The following ITGBL1 variants were observed in gnomAD, a reference collection of about 807,000 sequenced individuals.
The protein encoded by ITGBL1 is integrin subunit beta like 1, also known as integrin beta-like protein 1.
In ITGBL1, 51 loss-of-function variants were observed where a neutral mutation model predicts 68.5. That is an observed-to-expected ratio of 0.74 (90% CI 0.59 to 0.94). ITGBL1 has a LOEUF of 0.94. Among genes scored for constraint, ITGBL1 ranks in the 40% least tolerant of loss-of-function variants. The pLI is 0.00. For missense variants in ITGBL1, 649 were observed against 647.4 expected (o/e 1.00, Z -0.03); for synonymous variants, 209 against 227.3 (o/e 0.92, Z 0.72).
chr13:101,507,217 C>T (rs1230489952), intron 2 of ITGBL1, among the ~76,000 whole-genome samples: 1 of 152,120 alleles, frequency 6.6e-6, no homozygotes, highest in South Asian at 2.1e-4. Flanking sequence ...GCTATTTATT[C>T]CCTGCTTTTC....
At chr13:101,625,942 A>AT (rs996600857) in intron 7 of ITGBL1, among the ~76,000 whole-genome samples, 2 of 152,188 alleles carry the variant, frequency 1.3e-5, no homozygotes, top group Non-Finnish European at 2.9e-5. Flanking sequence ...CCTATAATGT[A>AT]TTTTTAAAAT....
At chr13:101,536,665 G>A (rs973560655) in intron 2 of ITGBL1, among the ~76,000 whole-genome samples, 3 of 151,922 alleles carry the variant, frequency 2.0e-5, no homozygotes, top group African/African-American at 4.8e-5. Context: ...GGTACAATAT[G>A]TATTCCTTTC....
intron 2 of ITGBL1, among the ~76,000 whole-genome samples, chr13:101,544,349 C>T (rs11843488): frequency 0.013 from 1,932 of 152,304 alleles, 38 homozygotes; most frequent in African/African-American, 0.041. Context: ...GTATCAGCAG[C>T]GGCAGCTGCA....
At chr13:101,533,841 T>A (rs2139166541) in intron 2 of ITGBL1, among the ~76,000 whole-genome samples, 1 of 152,330 alleles carries the variant, frequency 6.6e-6, no homozygotes, top group South Asian at 2.1e-4. Context: ...ATAAAAACAA[T>A]CTATTTGGCT....
intron 2 of ITGBL1, among the ~76,000 whole-genome samples, chr13:101,498,063 G>C (rs148280895): frequency 2.0e-5 from 3 of 152,140 alleles, no homozygotes; most frequent in Admixed American, 2.0e-4. Context: ...TCAGTTTTAT[G>C]ATTTGGTACT....
intron 7 of ITGBL1, among the ~76,000 whole-genome samples, chr13:101,606,263 G>A (rs1330045347): frequency 6.7e-6 from 1 of 149,356 alleles, no homozygotes; most frequent in East Asian, 2.0e-4. Context: ...ATTTCTGCTG[G>A]TGGTGACTAA....
At chr13:101,526,210 G>T (rs1431507987) in intron 2 of ITGBL1, among the ~76,000 whole-genome samples, 1 of 146,884 alleles carries the variant, frequency 6.8e-6, no homozygotes, top group Non-Finnish European at 1.5e-5. Flanking sequence ...GAACGTGCAA[G>T]TTTGTTACAT....
intron 2 of ITGBL1, among the ~76,000 whole-genome samples, chr13:101,455,090 A>G (rs1021873511): frequency 6.6e-6 from 1 of 152,204 alleles, no homozygotes; most frequent in African/African-American, 2.4e-5. Context: ...AGCACAACAC[A>G]ATGCATTCCA....
chr13:101,623,372 GAAATA>G (rs375078990), intron 7 of ITGBL1, among the ~76,000 whole-genome samples: 22 of 152,182 alleles, frequency 1.4e-4, no homozygotes, highest in African/African-American at 5.1e-4. Context: ...AAATGTTTGT[GAAATA>G]AAATCAAGTT....
intron 2 of ITGBL1, among the ~76,000 whole-genome samples, chr13:101,528,082 C>T (rs1292865147): frequency 6.6e-6 from 1 of 151,560 alleles, no homozygotes; most frequent in Non-Finnish European, 1.5e-5. Flanking sequence ...GCTATATAAG[C>T]AACCTGGTGT....
At chr13:101,529,995 A>G (rs1448504761) in intron 2 of ITGBL1, among the ~76,000 whole-genome samples, 1 of 152,194 alleles carries the variant, frequency 6.6e-6, no homozygotes, top group African/African-American at 2.4e-5. Flanking sequence ...TCCAGTATAA[A>G]AGGCGTAGAC....
At chr13:101,481,238 A>C (rs2139039229) in intron 2 of ITGBL1, among the ~76,000 whole-genome samples, 1 of 151,824 alleles carries the variant, frequency 6.6e-6, no homozygotes, top group Admixed American at 6.6e-5. Context: ...GTGAGCAGAG[A>C]ATTGGCTTTT....
chr13:101,605,073 T>C lies in ITGBL1; in HGVS notation c.1015+6774T>C, dbSNP rs1460779682. Among the ~76,000 whole-genome samples, 7 of 145,876 alleles carry C rather than the reference T, an allele frequency of 4.8e-5. 1 individual carries two copies. The highest frequency in any genetic ancestry group is 2.8e-4 in the Admixed American group (4 of 14,494). On this transcript the variant is annotated intron_variant, in intron 7 of 10. Coordinates refer to ENST00000376180, the MANE Select transcript of ITGBL1 (RefSeq NM_004791.3). ...ATGTGTATATGTGTATATGTGTATA[T>C]ACATATATGCGTATATGTGTATATG...
intron 2 of ITGBL1, among the ~76,000 whole-genome samples, chr13:101,476,426 G>A (rs2048537573): frequency 1.3e-5 from 2 of 151,872 alleles, no homozygotes; most frequent in South Asian, 4.2e-4. Flanking sequence ...CAAGAAAGAA[G>A]GAAAGATGAC....
intron 7 of ITGBL1, among the ~76,000 whole-genome samples, chr13:101,677,462 G>T (rs2033532851): frequency 6.6e-6 from 1 of 152,142 alleles, no homozygotes; most frequent in Non-Finnish European, 1.5e-5. Flanking sequence ...TTTAAAGGCA[G>T]TTATGTAGAT....
intron 2 of ITGBL1, among the ~76,000 whole-genome samples, chr13:101,535,576 A>T (rs974505672): frequency 6.6e-6 from 1 of 152,084 alleles, no homozygotes; most frequent in African/African-American, 2.4e-5. Flanking sequence ...TCCTTGTGAA[A>T]ACTTTATCTA....
chr13:101,593,356 T>C (rs2050689550), intron 6 of ITGBL1, among the ~76,000 whole-genome samples: 1 of 152,116 alleles, frequency 6.6e-6, no homozygotes, highest in African/African-American at 2.4e-5. Context: ...GAAAACTGTA[T>C]GGAGGTTCCT....
rs539895109 is a variant in ITGBL1 at position 101,573,189 on chromosome 13, G to A, written c.464-2235G>A. On this transcript the variant is annotated intron_variant, in intron 3 of 10. Coordinates refer to ENST00000376180, the MANE Select transcript of ITGBL1 (RefSeq NM_004791.3). ...AAATGTGAAAATGAAAAAGAAGGGT[G>A]ATAATTAGAGAACAAAAACTAGATG... 2.0e-4 allele frequency among the ~76,000 whole-genome samples: 30 copies of A among 152,198 alleles called. No homozygotes were observed. In the South Asian group the frequency reaches 3.1e-3, roughly 16 times the overall value.
At chr13:101,630,111 C>T (rs915470576) in intron 7 of ITGBL1, among the ~76,000 whole-genome samples, 14 of 152,260 alleles carry the variant, frequency 9.2e-5, no homozygotes, top group South Asian at 6.2e-4. Context: ...CTTGAGCCAC[C>T]GCGCCTGGCC....
Sources: allele counts gnomAD v4.1 joint callset (sites outside exome capture counted in the v4.1 genomes callset), GRCh38; gene constraint gnomAD v4.1.1; transcripts MANE v1.5; gene names NCBI Gene and HGNC (gene_info 2026-07-23, HGNC 2026-07-21).